DZIP1L: variants seen among roughly 807,000 people sequenced by gnomAD.
DZIP1L encodes DAZ interacting zinc finger protein 1 like.
DZIP1L carries 90 observed loss-of-function variants against 88.7 expected under a neutral mutation model. The ratio of observed to expected loss-of-function variants is 1.02; its 90% confidence interval spans 0.86 to 1.21. The LOEUF (loss-of-function observed/expected upper bound fraction) is 1.21. Ranked by LOEUF, DZIP1L falls within the 50% of genes most tolerant of loss-of-function variation. The probability of loss-of-function intolerance (pLI) is 0.00; values close to 1 mark genes in which losing one functional copy is unlikely to be tolerated. For missense variants in DZIP1L, 932 were observed against 955.8 expected (o/e 0.98, Z 0.33); for synonymous variants, 363 against 372.1 (o/e 0.98, Z 0.28).
intron 11 of DZIP1L, among the ~76,000 whole-genome samples, chr3:138,074,733 A>T (rs1576446291): frequency 9.5e-5 from 3 of 31,614 alleles, no homozygotes; most frequent in African/African-American, 1.5e-4. Context: ...ATAATACACG[A>T]AAAAAAAAAA....
chr3:138,065,177 G>T (rs573764118), intron 14 of DZIP1L, among the ~76,000 whole-genome samples: 1 of 152,312 alleles, frequency 6.6e-6, no homozygotes, highest in South Asian at 2.1e-4. Context: ...AGGCAAGAAT[G>T]ACTTTCTGCA....
intron 7 of DZIP1L, among the ~76,000 whole-genome samples, chr3:138,085,044 T>C (rs545343616): frequency 2.4e-4 from 36 of 152,366 alleles, no homozygotes; most frequent in African/African-American, 7.7e-4. Flanking sequence ...AGCCTTGTAG[T>C]ATAGTTTGAA....
At position 138,068,241 on chromosome 3, in the gene DZIP1L, C is replaced by A. The variant is rs1191115163; in HGVS notation, c.1742G>T (p.Gly581Val). The change falls in exon 13 of 16, where the codon GGC becomes GTC. Residue 581 changes from glycine to valine, a missense_variant. By Grantham distance (109) the Gly-to-Val change is moderately radical (BLOSUM62 -3). Transcript: ENST00000327532. ...GGCGGACACCTGGGTCAGGCTGGAG[C>A]CATGGCTGCCATGGCTCTGACGAGT... ...PPTRQSHGSH[G>V]SSLTQVSAPA... 3.2e-6 allele frequency: 5 copies of A among 1,567,400 alleles called. No individual in the cohort carries two copies. In the Admixed American group the frequency reaches 7.0e-5, roughly 22 times the overall value.
chr3:138,064,821 C>G (rs1942825620), intron 14 of DZIP1L, 54 bp from the exon 15 acceptor site: 1 of 1,530,588 alleles, frequency 6.5e-7, no homozygotes, highest in African/African-American at 1.4e-5. Flanking sequence ...AAATGAACAT[C>G]TCAGTTTTGT....
At chr3:138,075,957 A>T (rs1336658037) in intron 11 of DZIP1L, among the ~76,000 whole-genome samples, 1 of 151,498 alleles carries the variant, frequency 6.6e-6, no homozygotes, top group African/African-American at 2.4e-5. Flanking sequence ...GATTCGTCTC[A>T]AAAAAAAAGG....
intron 2 of DZIP1L, chr3:138,102,255 A>T: frequency 2.8e-6 from 4 of 1,437,064 alleles, no homozygotes; most frequent in Non-Finnish European, 3.9e-6. Flanking sequence ...GAGGAAGTTG[A>T]TCTCGTCAGT....
intron 1 of DZIP1L, among the ~76,000 whole-genome samples, chr3:138,114,006 A>G (rs2042655961): frequency 6.6e-6 from 1 of 152,236 alleles, no homozygotes; most frequent in African/African-American, 2.4e-5. Context: ...ATCTTCCCAG[A>G]TGCAGAATTG....
Position 138,092,533 on chromosome 3 carries a change from G to A in DZIP1L, c.720C>T (p.Leu240=), listed in dbSNP as rs1944288908. 1 of 1,582,444 alleles carries A rather than the reference G, an allele frequency of 6.3e-7. No homozygotes were observed. Among genetic ancestry groups the A allele is most frequent in the Non-Finnish European group, 8.5e-7 (1 of 1,170,594 alleles). ...ERQRQLQEAE[L]IHQREIEAKK... Reference sequence around the variant, plus strand: ...TAGCTTCTATTTCCCTCTGATGAATGAGCTCTGCTTCCTAAAAAGAAGAGC... The same window carrying A: ...TAGCTTCTATTTCCCTCTGATGAATAAGCTCTGCTTCCTAAAAAGAAGAGC... Residue 240 remains leucine, a synonymous_variant, in exon 5 of 16, where the codon CTC becomes CTT. Transcript: ENST00000327532.
intron 1 of DZIP1L, chr3:138,112,595 G>A (rs1312826052): frequency 6.6e-6 from 1 of 152,216 alleles, no homozygotes; most frequent in African/African-American, 2.4e-5. Context: ...GCTTTTTTCA[G>A]ACGAATTGTG....
intron 8 of DZIP1L, among the ~76,000 whole-genome samples, chr3:138,082,917 A>C (rs779258866): frequency 3.9e-5 from 6 of 152,218 alleles, no homozygotes; most frequent in Non-Finnish European, 2.9e-5. Context: ...TGCTTGCAAC[A>C]TGAAAGTGAA....
chr3:138,092,552 G>A lies in DZIP1L; in HGVS notation c.709-8C>T, dbSNP rs1166263332. On this transcript the variant is annotated splice_region_variant and splice_polypyrimidine_tract_variant and intron_variant, in intron 4 of 15. Coordinates refer to ENST00000327532, the MANE Select transcript of DZIP1L (RefSeq NM_173543.3). Reference sequence around the variant, plus strand: ...ATGAATGAGCTCTGCTTCCTAAAAAGAAGAGCAAGAACAATATGATGATTA... The same window carrying A: ...ATGAATGAGCTCTGCTTCCTAAAAAAAAGAGCAAGAACAATATGATGATTA... 14 of 1,557,452 alleles carry A rather than the reference G, an allele frequency of 9.0e-6. No homozygotes were observed. The Middle Eastern group carries it at 7.0e-4, about 78-fold the overall frequency.
chr3:138,104,043 G>T lies in DZIP1L; in HGVS notation c.-72C>A. 6.5e-7 allele frequency: 1 copy of T among 1,529,530 alleles called. No individual in the cohort carries two copies. The highest frequency in any genetic ancestry group is 8.7e-7 in the Non-Finnish European group (1 of 1,150,496). 94.7% of individuals were successfully genotyped at this position (1,529,530 alleles called of 1,614,324 possible). A position where few individuals can be genotyped will look rare whatever the true frequency, so the allele number is the denominator to read the frequency against. On this transcript the variant is annotated 5_prime_UTR_variant, in exon 2 of 16. It introduces an in-frame stop codon into an upstream open reading frame of the 5' UTR. Transcript: ENST00000327532. ...GGCCACGGCAGTAGGCCAAGGAGCT[G>T]AGAGAAGGCCTGGAAAATAAGAAGA...
At chr3:138,114,729 G>C (rs904792852) in intron 1 of DZIP1L, among the ~76,000 whole-genome samples, 2 of 152,108 alleles carry the variant, frequency 1.3e-5, no homozygotes, top group Non-Finnish European at 2.9e-5. Context: ...GCCCTGCCCA[G>C]GCAGCCTCGG....
chr3:138,068,545 G>A (rs1474931866), intron 12 of DZIP1L, among the ~76,000 whole-genome samples, 178 bp from the exon 13 acceptor site: 1 of 152,082 alleles, frequency 6.6e-6, no homozygotes, highest in Non-Finnish European at 1.5e-5. Context: ...GGCCAGATTC[G>A]AGGCTAGGAC....
intron 13 of DZIP1L, 115 bp from the exon 14 acceptor site, chr3:138,067,815 T>C: frequency 4.1e-6 from 5 of 1,232,942 alleles, no homozygotes; most frequent in East Asian, 3.0e-5. Context: ...CCCTGCTCCC[T>C]CCCTCAGGCC....
intron 5 of DZIP1L, chr3:138,089,270 T>C: frequency 4.1e-6 from 4 of 985,420 alleles, no homozygotes; most frequent in Non-Finnish European, 4.8e-6. Context: ...CTAAACTCCC[T>C]GAATATTTTC....
intron 12 of DZIP1L, 97 bp downstream of exon 12, chr3:138,071,546 G>A: frequency 7.2e-7 from 1 of 1,385,864 alleles, no homozygotes; most frequent in South Asian, 1.5e-5. Flanking sequence ...CCCCTAATGG[G>A]GGACAGAGAC....
intron 2 of DZIP1L, among the ~76,000 whole-genome samples, chr3:138,100,659 G>A (rs2042274200): frequency 6.6e-6 from 1 of 152,176 alleles, no homozygotes; most frequent in Admixed American, 6.5e-5. Context: ...AGGTGGCATT[G>A]GAGAATTGGT....
intron 10 of DZIP1L, chr3:138,080,340 T>A: frequency 2.2e-6 from 1 of 453,998 alleles, no homozygotes; most frequent in Non-Finnish European, 4.1e-6. Flanking sequence ...AATGACCCTC[T>A]CTAGGCCTGG....
Sources: gnomAD v4.1 joint callset for allele counts (sites outside exome capture counted in the v4.1 genomes callset) on GRCh38, gnomAD v4.1.1 for gene constraint, MANE v1.5 for transcripts, NCBI Gene and HGNC (gene_info 2026-07-23, HGNC 2026-07-21) for gene names.